Variants in MEP1A observed in about 807,000 individuals in gnomAD.
The protein encoded by MEP1A is N-benzoyl-L-tyrosyl-P-amino-benzoic acid hydrolase subunit alpha.
A neutral mutation model predicts 84.5 loss-of-function variants in MEP1A; 68 were observed. That is an observed-to-expected ratio of 0.80 (90% CI 0.66 to 0.98). The LOEUF is 0.98. Among genes scored for constraint, MEP1A ranks in the 50% least tolerant of loss-of-function variants. The probability of loss-of-function intolerance (pLI) is 0.00; values close to 1 mark genes in which losing one functional copy is unlikely to be tolerated. For missense variants in MEP1A, 887 were observed against 919.9 expected, an observed-to-expected ratio of 0.96 and a Z score of 0.46; for synonymous variants, 337 against 336.8, an observed-to-expected ratio of 1.00 and a Z score of -0.01.
intron 6 of MEP1A, among the ~76,000 whole-genome samples, chr6:46,811,089 C>T (rs1767488121): frequency 6.6e-6 from 1 of 152,102 alleles, no homozygotes; most frequent in Non-Finnish European, 1.5e-5. Flanking sequence ...ATGGATTCTA[C>T]TCATCCATGA....
Position 46,829,374 on chromosome 6 carries a change from A to C in MEP1A, c.947A>C (p.Gln316Pro). 1 of 1,613,558 alleles carries C rather than the reference A, an allele frequency of 6.2e-7. No individual in the cohort carries two copies. Among genetic ancestry groups the C allele is most frequent in the Non-Finnish European group, 8.5e-7 (1 of 1,180,016 alleles). Residue 316 changes from glutamine to proline, a missense_variant, in exon 10 of 14, where the codon CAG becomes CCG. Coordinates refer to ENST00000230588, the MANE Select transcript of MEP1A (RefSeq NM_005588.3). ...TCCATAGGTGCCGGCTACTTCATGC[A>C]GTTCAGCACCAGCTCGGGGTCCGCG... is the stretch of plus-strand genomic sequence containing the variant. ...GQCTGAGYFM[Q>P]FSTSSGSAEE...
At position 46,825,274 on chromosome 6, in the gene MEP1A, T is replaced by A; in HGVS notation, c.559T>A (p.Tyr187Asn). 1 of 1,608,060 alleles carries A rather than the reference T, an allele frequency of 6.2e-7. No individual in the cohort carries two copies. Among genetic ancestry groups the A allele is most frequent in the Non-Finnish European group, 8.5e-7 (1 of 1,175,978 alleles). The part of the protein sequence containing the change: ...NIWWDQILSG[Y>N]QHNFDTYDDS... ...CCTGTGGATTCTCTCCCTAACAGGTTACCAGCACAACTTTGACACCTATGA... is the reference window on the plus strand; with the variant it reads ...CCTGTGGATTCTCTCCCTAACAGGTAACCAGCACAACTTTGACACCTATGA... The change falls in exon 8 of 14, where the codon TAC becomes AAC. Residue 187 changes from tyrosine to asparagine, a missense_variant and splice_region_variant. By Grantham distance (143) the Tyr-to-Asn change is moderately radical (BLOSUM62 -2). Coordinates refer to ENST00000230588, the MANE Select transcript of MEP1A (RefSeq NM_005588.3).
At chr6:46,829,690 AC>A in intron 10 of MEP1A, 119 bp downstream of exon 10, 1 of 721,212 alleles carries the variant, frequency 1.4e-6, no homozygotes. Context: ...CTTTTCCTCC[AC>A]CCACTTTCTT....
chr6:46,826,321 T>C (rs760304854), intron 8 of MEP1A, 33 bp from the exon 9 acceptor site: 2 of 1,568,920 alleles, frequency 1.3e-6, no homozygotes, highest in Non-Finnish European at 1.7e-6. Flanking sequence ...CTATCTTTCA[T>C]TTTTAACCAG....
chr6:46,809,444 T>C lies in MEP1A; in HGVS notation c.287T>C (p.Leu96Pro). 1 of 1,609,178 alleles carries C rather than the reference T, an allele frequency of 6.2e-7. No individual in the cohort carries two copies. Among genetic ancestry groups the C allele is most frequent in the Non-Finnish European group, 8.5e-7 (1 of 1,177,086 alleles). ...GGGCTGAATGCTAAAGGAGCCATTC[T>C]GTATGCCTTTGAGATGTTCCGTCTC... Reference protein sequence around the residue: ...NLGLNAKGAILYAFEMFRLKS... With the variant: ...NLGLNAKGAIPYAFEMFRLKS... The change falls in exon 6 of 14, where the codon CTG becomes CCG. Residue 96 changes from leucine to proline, a missense_variant. By Grantham distance (98) the Leu-to-Pro change is moderately conservative. Coordinates refer to ENST00000230588, the MANE Select transcript of MEP1A (RefSeq NM_005588.3).
At chr6:46,826,783 C>T (rs1222538973) in intron 9 of MEP1A, among the ~76,000 whole-genome samples, 1 of 152,162 alleles carries the variant, frequency 6.6e-6, no homozygotes, top group African/African-American at 2.4e-5. Context: ...ACCACACCCT[C>T]CTACAGAAAT....
At chr6:46,814,200 G>A (rs1340270744) in intron 6 of MEP1A, among the ~76,000 whole-genome samples, 1 of 152,064 alleles carries the variant, frequency 6.6e-6, no homozygotes, top group Non-Finnish European at 1.5e-5. Context: ...CTTAGGTTTG[G>A]ATGTTTAACA....
intron 13 of MEP1A, among the ~76,000 whole-genome samples, chr6:46,837,020 T>C (rs140733677): frequency 3.3e-5 from 5 of 152,328 alleles, no homozygotes; most frequent in African/African-American, 1.2e-4. Flanking sequence ...CTGTAATTAA[T>C]ACGTATATTG....
At chr6:46,805,588 C>A (rs1331919650) in intron 5 of MEP1A, among the ~76,000 whole-genome samples, 1 of 151,894 alleles carries the variant, frequency 6.6e-6, no homozygotes, top group Non-Finnish European at 1.5e-5. Context: ...GCTCCAGATA[C>A]ACTGTTTCTT....
intron 6 of MEP1A, among the ~76,000 whole-genome samples, chr6:46,810,890 G>C (rs893976251): frequency 2.4e-4 from 36 of 152,064 alleles, no homozygotes; most frequent in African/African-American, 8.4e-4. Context: ...ATAGTTTGAA[G>C]TTGGGTAACG....
chr6:46,845,039 T>C, the MEP1A span, among the ~76,000 whole-genome samples: 1 of 152,224 alleles, frequency 6.6e-6, no homozygotes, highest in Non-Finnish European at 1.5e-5. Context: ...CCCCTTTGCC[T>C]TCCACTGTGA....
downstream of MEP1A, among the ~76,000 whole-genome samples, chr6:46,841,404 C>G (rs151164895): frequency 2.0e-3 from 299 of 152,240 alleles, no homozygotes; most frequent in African/African-American, 6.5e-3. Context: ...TTTCTTTGAG[C>G]CCAAACCCTC....
At chr6:46,841,558 A>C (rs1050961979), downstream of MEP1A, among the ~76,000 whole-genome samples, 19 of 152,250 alleles carry the variant, frequency 1.2e-4, no homozygotes, top group African/African-American at 2.2e-4. Flanking sequence ...TTAGATGAGC[A>C]ACATGAAAAA....
chr6:46,798,718 C>T lies in MEP1A; in HGVS notation c.186+72C>T, dbSNP rs576271397. The T allele has an allele frequency of 2.5e-4, 330 of 1,334,986 alleles. 4 individuals are homozygous for T. The South Asian group carries it at 3.4e-3, about 14-fold the overall frequency. 82.7% of individuals were successfully genotyped at this position (1,334,986 alleles called of 1,614,324 possible). ...CCACTGGGTGTGAGTCTCTGCTCTG[C>T]GGCCAGCCCTGGGATGGGCACTGTG... On this transcript the variant is annotated intron_variant, in intron 4 of 13. Transcript: ENST00000230588.
At chr6:46,842,440 C>A (rs572042040), downstream of MEP1A, among the ~76,000 whole-genome samples, 1 of 152,092 alleles carries the variant, frequency 6.6e-6, no homozygotes. Context: ...GGTCTATAAA[C>A]GGCTGCTCTG....
At chr6:46,832,422 A>T (rs984910743) in intron 10 of MEP1A, among the ~76,000 whole-genome samples, 1 of 152,206 alleles carries the variant, frequency 6.6e-6, no homozygotes, top group South Asian at 2.1e-4. Flanking sequence ...CTTCTAGTTC[A>T]TGCTCAGAGA....
At chr6:46,793,891 G>A (rs1426560686) in intron 3 of MEP1A, among the ~76,000 whole-genome samples, 175 bp downstream of exon 3, 1 of 152,150 alleles carries the variant, frequency 6.6e-6, no homozygotes, top group African/African-American at 2.4e-5. Context: ...AGAGAAGATA[G>A]TTAGACCAGA....
At chr6:46,825,950 C>G (rs1206620908) in intron 8 of MEP1A, among the ~76,000 whole-genome samples, 1 of 152,144 alleles carries the variant, frequency 6.6e-6, no homozygotes, top group Non-Finnish European at 1.5e-5. Context: ...CTAGAGTAAT[C>G]TAATCCTCTG....
chr6:46,802,218 A>G (rs1399218615), intron 5 of MEP1A, among the ~76,000 whole-genome samples: 1 of 151,968 alleles, frequency 6.6e-6, no homozygotes, highest in Admixed American at 6.6e-5. Context: ...TAAACATGGT[A>G]CATCAGTCCA....
Sources: gnomAD v4.1 joint callset for allele counts (sites outside exome capture counted in the v4.1 genomes callset) on GRCh38, gnomAD v4.1.1 for gene constraint, MANE v1.5 for transcripts, NCBI Gene and HGNC (gene_info 2026-07-23, HGNC 2026-07-21) for gene names.